Variants in ABRAXAS1 observed in about 807,000 individuals in gnomAD.
ABRAXAS1 encodes abraxas 1, BRCA1 A complex subunit, also known as BRCA1-A complex subunit Abraxas 1.
A neutral mutation model predicts 38.4 loss-of-function variants in ABRAXAS1; 26 were observed. The ratio of observed to expected loss-of-function variants is 0.68; its 90% CI spans 0.50 to 0.94. ABRAXAS1 has a LOEUF of 0.94. Ranked by LOEUF, ABRAXAS1 falls within the 40% of genes least tolerant of loss-of-function variation. The pLI, the probability that ABRAXAS1 is intolerant of heterozygous loss-of-function variation, is 0.00. For synonymous variants in ABRAXAS1, 144 were observed against 165.5 expected (o/e 0.87, Z 1.00); for missense variants, 438 against 481.9 (o/e 0.91, Z 0.85).
At position 83,462,426 on chromosome 4, in the gene ABRAXAS1, C is replaced by T. The variant is rs1477418073; in HGVS notation, c.*43G>A. ...AAAACAATAGAAATGTTTGGCTTTA[C>T]CCATCAGCCAAATAAAAAAATCTCC... On this transcript the variant is annotated 3_prime_UTR_variant, in exon 9 of 9. Transcript: ENST00000321945. The T allele has an allele frequency of 2.0e-6, 3 of 1,499,634 alleles. No individual in the cohort carries two copies. In the African/African-American group the frequency reaches 4.2e-5, roughly 21 times the overall value. 92.9% of individuals were successfully genotyped at this position (1,499,634 alleles called of 1,614,324 possible).
rs6825184 is a variant in ABRAXAS1, at chr4:83,462,122, A to G, written c.*347T>C. 252,304 of 253,606 alleles carry G rather than the reference A, an allele frequency of 0.99. 125,507 individuals are homozygous for G. The highest frequency in any genetic ancestry group is 1 in the East Asian group (17,008 of 17,008). 15.7% of individuals were successfully genotyped at this position (253,606 alleles called of 1,614,324 possible). On this transcript the variant is annotated 3_prime_UTR_variant, in exon 9 of 9. Coordinates refer to ENST00000321945, the MANE Select transcript of ABRAXAS1 (RefSeq NM_139076.3). ...TGCCCAGGCTGGTCTCTAACTCCTAACTTCAATCAATCCTCCTGACTTGTC... is the reference window on the plus strand; with the variant it reads ...TGCCCAGGCTGGTCTCTAACTCCTAGCTTCAATCAATCCTCCTGACTTGTC...
intron 7 of ABRAXAS1, chr4:83,466,773 G>C (rs1432998259): frequency 6.6e-6 from 1 of 152,210 alleles, no homozygotes; most frequent in Non-Finnish European, 1.5e-5. Flanking sequence ...TCCTGATCTC[G>C]TGATCCGCCC....
chr4:83,461,338 A>C lies in ABRAXAS1; in HGVS notation c.*1131T>G, dbSNP rs1722105628. 3 of 652,848 alleles carry C rather than the reference A, an allele frequency of 4.6e-6. No homozygotes were observed. Among genetic ancestry groups the C allele is most frequent in the East Asian group, 5.3e-5 (2 of 37,482 alleles). The allele number at this position is 652,848 out of a possible 1,614,324, so 40.4% of individuals were successfully genotyped here. On this transcript the variant is annotated 3_prime_UTR_variant, in exon 9 of 9. Transcript: ENST00000321945. The stretch of plus-strand genomic sequence containing the variant: ...ACACTTCCCCTTCATACCAATGTCC[A>C]TTAAGCAGATTGCTTATTTAAAATG...
chr4:83,468,803 G>C (rs1722476508), intron 6 of ABRAXAS1, among the ~76,000 whole-genome samples: 2 of 151,862 alleles, frequency 1.3e-5, no homozygotes, highest in Admixed American at 1.3e-4. Flanking sequence ...GCCTCCCGAA[G>C]TGCTGGGATT....
chr4:83,472,100 T>C (rs1722608196), intron 4 of ABRAXAS1, 122 bp downstream of exon 4: 3 of 496,062 alleles, frequency 6.0e-6, no homozygotes, highest in Non-Finnish European at 1.1e-5. Context: ...TTTTCTTACT[T>C]ACTTTACAGG....
Position 83,462,526 on chromosome 4 carries a change from ATC to A in ABRAXAS1, c.1171_1172del (p.Asp391Ter). The A allele has an allele frequency of 1.9e-6, 3 of 1,614,038 alleles. No individual in the cohort carries two copies. Among genetic ancestry groups the A allele is most frequent in the Non-Finnish European group, 2.5e-6 (3 of 1,179,984 alleles). On this transcript the variant is annotated frameshift_variant, in exon 9 of 9. Coordinates refer to ENST00000321945, the MANE Select transcript of ABRAXAS1 (RefSeq NM_139076.3). LOFTEE classifies it high-confidence loss of function. The stretch of plus-strand genomic sequence containing the variant: ...AACCCTTCATCTTTTCAATTTCTTC[ATC>A]TGTTTCTGGGCTGCTCATTTTGGAT... ...KASKMSSPETDEEIEKMKGFG... is the reference protein window; with the variant it reads ...KASKMSSPETXEEIEKMKGFG...
chr4:83,463,779 G>C, intron 7 of ABRAXAS1, 171 bp from the exon 8 acceptor site: 1 of 408,536 alleles, frequency 2.4e-6, no homozygotes, highest in East Asian at 3.7e-5. Context: ...AGCACTTGTA[G>C]GTTATAAATA....
chr4:83,460,139 T>A lies in ABRAXAS1; in HGVS notation c.*2330A>T, dbSNP rs191550579. The A allele has an allele frequency of 2.2e-4, 37 of 170,846 alleles. No homozygotes were observed. Among genetic ancestry groups the A allele is most frequent in the African/African-American group, 8.6e-4 (36 of 41,972 alleles). The allele number at this position is 170,846 out of a possible 1,614,324, so 10.6% of individuals were successfully genotyped here. A position where few individuals can be genotyped will look rare whatever the true frequency, so the allele number is the denominator to read the frequency against. ...CGACCTGCTCCCTTTTTATCTTGAT[T>A]AGGTTCATCATATACAAATGCCACT... is the stretch of plus-strand genomic sequence containing the variant. On this transcript the variant is annotated 3_prime_UTR_variant, in exon 9 of 9. Coordinates refer to ENST00000321945, the MANE Select transcript of ABRAXAS1 (RefSeq NM_139076.3).
At position 83,459,953 on chromosome 4, in the gene ABRAXAS1, T is replaced by G. The variant is rs1415625897; in HGVS notation, c.*2516A>C. The G allele has an allele frequency of 1.7e-6, 1 of 572,966 alleles. No individual in the cohort carries two copies. 35.5% of individuals were successfully genotyped at this position (572,966 alleles called of 1,614,324 possible). On this transcript the variant is annotated 3_prime_UTR_variant, in exon 9 of 9. Coordinates refer to ENST00000321945, the MANE Select transcript of ABRAXAS1 (RefSeq NM_139076.3). ...GAGCTAGTTACTATGAAAAAGTCTC[T>G]TAGGCCAAGAGGATTATTATTTTGC...
chr4:83,484,894 A>G, intron 1 of ABRAXAS1, 92 bp downstream of exon 1: 1 of 1,071,332 alleles, frequency 9.3e-7, no homozygotes, highest in Non-Finnish European at 1.3e-6. Flanking sequence ...GCGTCGGGGG[A>G]GCGGGCGGGG....
At chr4:83,471,806 G>C (rs1002522780) in intron 4 of ABRAXAS1, among the ~76,000 whole-genome samples, 1 of 152,006 alleles carries the variant, frequency 6.6e-6, no homozygotes, top group Non-Finnish European at 1.5e-5. Context: ...GGAGGTGCAC[G>C]ATGTAGTCAG....
chr4:83,465,259 C>T (rs1722304087), intron 7 of ABRAXAS1, among the ~76,000 whole-genome samples: 1 of 127,582 alleles, frequency 7.8e-6, no homozygotes, highest in Non-Finnish European at 1.6e-5. Context: ...TCATGCCATT[C>T]ATTGCACTCC....
At chr4:83,474,707 T>C (rs1026764621) in intron 3 of ABRAXAS1, among the ~76,000 whole-genome samples, 5 of 142,232 alleles carry the variant, frequency 3.5e-5, no homozygotes, top group Non-Finnish European at 6.1e-5. Flanking sequence ...AGCAAGACTC[T>C]GTCTCAAAAA....
Position 83,461,082 on chromosome 4 carries a change from C to A in ABRAXAS1, c.*1387G>T. Reference sequence around the variant, plus strand: ...GAATTGAGCTAGCTGAAATTTTGCTCATTATGTTTTGTCAAGAACTTTAAT... The same window carrying A: ...GAATTGAGCTAGCTGAAATTTTGCTAATTATGTTTTGTCAAGAACTTTAAT... On this transcript the variant is annotated 3_prime_UTR_variant, in exon 9 of 9. Coordinates refer to ENST00000321945, the MANE Select transcript of ABRAXAS1 (RefSeq NM_139076.3). 6.2e-7 allele frequency: 1 copy of A among 1,612,428 alleles called. No homozygotes were observed. The highest frequency in any genetic ancestry group is 1.1e-5 in the South Asian group (1 of 90,968).
intron 2 of ABRAXAS1, among the ~76,000 whole-genome samples, chr4:83,480,570 A>G (rs150911463): frequency 7.9e-5 from 12 of 152,350 alleles, no homozygotes; most frequent in African/African-American, 2.9e-4. Flanking sequence ...CAAAAATAAC[A>G]TACAGTATGA....
rs1722105357 is a variant in ABRAXAS1, at chr4:83,461,328, AC to A, written c.*1140del. ...GTAAAGAATGACACTTCCCCTTCAT[AC>A]CAATGTCCATTAAGCAGATTGCTTA... On this transcript the variant is annotated 3_prime_UTR_variant, in exon 9 of 9. Coordinates refer to ENST00000321945, the MANE Select transcript of ABRAXAS1 (RefSeq NM_139076.3). 3 of 709,800 alleles carry A rather than the reference AC, an allele frequency of 4.2e-6. No homozygotes were observed. The African/African-American group carries it at 5.3e-5, about 13-fold the overall frequency. 44.0% of individuals were successfully genotyped at this position (709,800 alleles called of 1,614,324 possible).
In ABRAXAS1 at chr4:83,462,417, T is replaced by A; in HGVS notation, c.*52A>T. 6.8e-7 allele frequency: 1 copy of A among 1,466,128 alleles called. No individual in the cohort carries two copies. Among genetic ancestry groups the A allele is most frequent in the Non-Finnish European group, 9.2e-7 (1 of 1,081,124 alleles). The allele number at this position is 1,466,128 out of a possible 1,614,324, so 90.8% of individuals were successfully genotyped here. On this transcript the variant is annotated 3_prime_UTR_variant, in exon 9 of 9. Coordinates refer to ENST00000321945, the MANE Select transcript of ABRAXAS1 (RefSeq NM_139076.3). ...AACATAGTAAAAACAATAGAAATGT[T>A]TGGCTTTACCCATCAGCCAAATAAA... is the stretch of plus-strand genomic sequence containing the variant.
At chr4:83,471,972 T>C (rs1722605238) in intron 4 of ABRAXAS1, among the ~76,000 whole-genome samples, 2 of 152,216 alleles carry the variant, frequency 1.3e-5, no homozygotes, top group South Asian at 4.1e-4. Flanking sequence ...GTGGTGGAAA[T>C]ATAAGAGAAA....
At chr4:83,481,004 C>T (rs1007377756) in intron 2 of ABRAXAS1, among the ~76,000 whole-genome samples, 1 of 151,956 alleles carries the variant, frequency 6.6e-6, no homozygotes, top group Non-Finnish European at 1.5e-5. Flanking sequence ...TGGCAGCACA[C>T]GTCTGTAATC....
Sources: allele counts gnomAD v4.1 joint callset (sites outside exome capture counted in the v4.1 genomes callset), GRCh38; gene constraint gnomAD v4.1.1; transcripts MANE v1.5; gene names NCBI Gene and HGNC (gene_info 2026-07-23, HGNC 2026-07-21).